The following THBS2 variants were observed in gnomAD, a reference collection of about 807,000 sequenced individuals.
THBS2 encodes thrombospondin 2.
A neutral mutation model predicts 135.2 loss-of-function variants in THBS2; 47 were observed. That is an observed-to-expected ratio of 0.35 (90% CI 0.28 to 0.44). The LOEUF is 0.44. THBS2 is among the 20% of genes least tolerant of loss of function. The pLI is 1.00. For synonymous variants in THBS2, 639 were observed against 633.8 expected (o/e 1.01, Z -0.12); for missense variants, 1,288 against 1,603.1 (o/e 0.80, Z 3.36).
chr6:169,219,332 G>GGA, intron 21 of THBS2, among the ~76,000 whole-genome samples: 2 of 32,204 alleles, frequency 6.2e-5, no homozygotes, highest in Non-Finnish European at 5.8e-5. Flanking sequence ...GGGTGGGTGT[G>GGA]TGGGTGGGTG....
intron 21 of THBS2, 74 bp downstream of exon 21, chr6:169,220,124 G>A: frequency 6.5e-7 from 1 of 1,539,616 alleles, no homozygotes; most frequent in East Asian, 2.3e-5. Context: ...GTAAGTGGAA[G>A]AGCGCACTGT....
chr6:169,225,443 A>C (rs1779594591), intron 16 of THBS2, 64 bp from the exon 17 acceptor site: 1 of 1,480,428 alleles, frequency 6.8e-7, no homozygotes, highest in Admixed American at 2.0e-5. Flanking sequence ...GAGAGGAACC[A>C]GCAGGACGCA....
At position 169,241,718 on chromosome 6, in the gene THBS2, T is replaced by C. The variant is rs1189434928; in HGVS notation, c.891+44A>G. The C allele has an allele frequency of 2.6e-6, 4 of 1,548,190 alleles. No homozygotes were observed. Among genetic ancestry groups the C allele is most frequent in the Non-Finnish European group, 3.5e-6 (4 of 1,138,286 alleles). ...TGCTGAGATGGGCCAGCGGCGGAGC[T>C]GCCCATGCCCTATGACCCCCGCGGC... On this transcript the variant is annotated intron_variant, in intron 5 of 21. Transcript: ENST00000617924. This position sits in a 1 kb window ranked among gnomAD's most constrained non-coding sequence, Gnocchi z 5.5.
intron 19 of THBS2, among the ~76,000 whole-genome samples, chr6:169,221,922 A>G (rs1779444178): frequency 6.6e-6 from 1 of 152,196 alleles, no homozygotes; most frequent in Non-Finnish European, 1.5e-5. Context: ...TTTGATCATT[A>G]TGTCCTATGC....
At chr6:169,243,069 A>C (rs1162183953) in intron 4 of THBS2, among the ~76,000 whole-genome samples, 5 of 56,358 alleles carry the variant, frequency 8.9e-5, no homozygotes, top group Admixed American at 3.9e-4. Flanking sequence ...CACCACTCCC[A>C]CCTTCCCACC....
chr6:169,241,245 G>A lies in THBS2; in HGVS notation c.891+517C>T, dbSNP rs1030208027. Among the ~76,000 whole-genome samples, 2 of 152,156 alleles carry A rather than the reference G, an allele frequency of 1.3e-5. No individual in the cohort carries two copies. Among genetic ancestry groups the A allele is most frequent in the Admixed American group, 6.5e-5 (1 of 15,278 alleles). On this transcript the variant is annotated intron_variant, in intron 5 of 21. Coordinates refer to ENST00000617924, the MANE Select transcript of THBS2 (RefSeq NM_003247.5). This position sits in a 1 kb window ranked among gnomAD's most constrained non-coding sequence, Gnocchi z 5.5. ...AGTCCCTTTCTCTAAACTGCGAGCT[G>A]CCCGTCCTGAGCCCCGCAGGCATCG...
Position 169,220,330 on chromosome 6 carries a change from C to G in THBS2, c.3379G>C (p.Val1127Leu), listed in dbSNP as rs545179688. 37 of 1,607,592 alleles carry G rather than the reference C, an allele frequency of 2.3e-5. No homozygotes were observed. In the East Asian group the frequency reaches 7.8e-4, roughly 34 times the overall value. ...GCCATGACCTGTTTTCCTTCATGCA[C>G]TAAGACTCTAAAAATGGTGTTTAAA... Reference protein sequence around the residue: ...RPKTGYIRVLVHEGKQVMADS... With the variant: ...RPKTGYIRVLLHEGKQVMADS... Residue 1127 changes from valine (V) to leucine (L), a missense_variant, in exon 21 of 22, where the codon GTG becomes CTG. By Grantham distance (32) the Val-to-Leu change is conservative. Coordinates refer to ENST00000617924, the MANE Select transcript of THBS2 (RefSeq NM_003247.5).
At chr6:169,243,349 C>T (rs1392539272) in intron 4 of THBS2, among the ~76,000 whole-genome samples, 1 of 152,242 alleles carries the variant, frequency 6.6e-6, no homozygotes, top group Non-Finnish European at 1.5e-5. Context: ...GGGGCCTGCG[C>T]AGTTGCAGTC....
chr6:169,240,412 G>A, intron 6 of THBS2, 40 bp downstream of exon 6: 1 of 1,606,344 alleles, frequency 6.2e-7, no homozygotes, highest in Non-Finnish European at 8.5e-7. Flanking sequence ...AGTGTCCGAT[G>A]GTGGCCTCTT....
chr6:169,219,704 C>A, intron 21 of THBS2: 1 of 476,484 alleles, frequency 2.1e-6, no homozygotes, highest in South Asian at 1.5e-5. Context: ...TTTACTGCAT[C>A]TGTGGAAGGG....
intron 9 of THBS2, 101 bp from the exon 10 acceptor site, chr6:169,235,008 C>G: frequency 8.3e-7 from 1 of 1,198,932 alleles, no homozygotes; most frequent in Non-Finnish European, 1.1e-6. Context: ...ATGGTGTTCC[C>G]TACACAGCCC....
Position 169,234,707 on chromosome 6 carries a change from G to C in THBS2, c.1651+27C>G, listed in dbSNP as rs184270863. 9.1e-5 allele frequency: 135 copies of C among 1,481,988 alleles called. 2 individuals are homozygous for C. The Admixed American group carries it at 3.1e-3, about 34-fold the overall frequency. The allele number at this position is 1,481,988 out of a possible 1,614,324, so 91.8% of individuals were successfully genotyped here. On this transcript the variant is annotated intron_variant, in intron 10 of 21. Coordinates refer to ENST00000617924, the MANE Select transcript of THBS2 (RefSeq NM_003247.5). ...CATCAGAATGGAAGCCCGGGTTTCAGTGCCCCCGCTTCTACCCCTCACTCA... is the reference window on the plus strand; with the variant it reads ...CATCAGAATGGAAGCCCGGGTTTCACTGCCCCCGCTTCTACCCCTCACTCA...
At chr6:169,237,065 G>A (rs1780122852) in intron 9 of THBS2, 105 bp downstream of exon 9, 1 of 1,333,344 alleles carries the variant, frequency 7.5e-7, no homozygotes, top group Non-Finnish European at 1.0e-6. Context: ...GCTGGGCTGG[G>A]CTGGAACAGG....
chr6:169,238,202 C>T (rs1403748363), intron 7 of THBS2, among the ~76,000 whole-genome samples: 1 of 152,174 alleles, frequency 6.6e-6, no homozygotes, highest in Non-Finnish European at 1.5e-5. Flanking sequence ...AACCTCTGTT[C>T]GCTGATTTAC....
Position 169,228,114 on chromosome 6 carries a change from G to A in THBS2, c.2419+8C>T. The A allele has an allele frequency of 6.3e-7, 1 of 1,599,896 alleles. No individual in the cohort carries two copies. The highest frequency in any genetic ancestry group is 8.5e-7 in the Non-Finnish European group (1 of 1,175,512). On this transcript the variant is annotated splice_region_variant and intron_variant, in intron 15 of 21. Coordinates refer to ENST00000617924, the MANE Select transcript of THBS2 (RefSeq NM_003247.5). ...AGTGCACGCATGGGAAGGAGCAGAA[G>A]CACCCACCGTCCCCATCAATGTCCA...
At chr6:169,220,169 C>T in intron 21 of THBS2, 29 bp downstream of exon 21, 1 of 1,603,546 alleles carries the variant, frequency 6.2e-7, no homozygotes, top group African/African-American at 1.3e-5. Context: ...CACATGCCTT[C>T]CCCACTAACC....
chr6:169,238,533 T>G lies in THBS2; in HGVS notation c.1130-738A>C, dbSNP rs189603448. Among the ~76,000 whole-genome samples the G allele has an allele frequency of 9.8e-5, 15 of 152,364 alleles. No homozygotes were observed. In the East Asian group the frequency reaches 1.9e-3, roughly 20 times the overall value. On this transcript the variant is annotated intron_variant, in intron 7 of 21. Transcript: ENST00000617924. ...TTCTAGTCTAATGTGGGCCCTTTGA[T>G]TATCAAGATTATATTTTTATGCTTT...
intron 18 of THBS2, among the ~76,000 whole-genome samples, chr6:169,222,871 T>C (rs180791896): frequency 6.6e-6 from 1 of 151,674 alleles, no homozygotes; most frequent in East Asian, 1.9e-4. Flanking sequence ...TGTGACCATC[T>C]GACAGTGGAT....
At position 169,228,148 on chromosome 6, in the gene THBS2, G is replaced by A; in HGVS notation, c.2393C>T (p.Ala798Val). Reference protein sequence around the residue: ...IDTDNNGEGDACSVDIDGDDV... With the variant: ...IDTDNNGEGDVCSVDIDGDDV... ...GTCCCCATCAATGTCCACGGAGCAG[G>A]CGTCACCCTCTCCATTGTTGTCTGT... Residue 798 changes from alanine (A) to valine (V), a missense_variant, in exon 15 of 22, where the codon GCC becomes GTC. By Grantham distance (64) the Ala-to-Val change is moderately conservative. This residue lies in a region of THBS2 where 874 missense variants were observed against 1,156.1 expected (regional missense o/e 0.76). Transcript: ENST00000617924. 1 of 1,614,006 alleles carries A rather than the reference G, an allele frequency of 6.2e-7. No homozygotes were observed. The highest frequency in any genetic ancestry group is 8.5e-7 in the Non-Finnish European group (1 of 1,180,008).
Sources: allele counts gnomAD v4.1 joint callset (sites outside exome capture counted in the v4.1 genomes callset), GRCh38; gene constraint gnomAD v4.1.1; regional missense constraint gnomAD v4.1.1; non-coding constraint Gnocchi (gnomAD v3.1); transcripts MANE v1.5; gene names NCBI Gene and HGNC (gene_info 2026-07-23, HGNC 2026-07-21).